Variants in LTBP2 observed in about 807,000 individuals in gnomAD.
The protein encoded by LTBP2 is latent transforming growth factor beta binding protein 2.
Under a neutral mutation model 210.6 loss-of-function variants are expected in LTBP2, and 103 were observed. The observed-to-expected ratio is 0.49, with a 90% CI of 0.42 to 0.58. The LOEUF is 0.58. LTBP2 is among the 20% of genes least tolerant of loss of function. The pLI is 0.00. For missense variants in LTBP2, 2,313 were observed against 2,494.5 expected, an observed-to-expected ratio of 0.93 and a Z score of 1.55; for synonymous variants, 1,007 against 1,015.0, an observed-to-expected ratio of 0.99 and a Z score of 0.15.
chr14:74,505,945 C>G, intron 28 of LTBP2, 103 bp downstream of exon 28: 1 of 1,507,076 alleles, frequency 6.6e-7, no homozygotes, highest in East Asian at 2.3e-5. Flanking sequence ...AGGCCCTGGC[C>G]CAGTGTCCCC....
chr14:74,511,841 G>A (rs2087076015), intron 18 of LTBP2, among the ~76,000 whole-genome samples: 1 of 152,230 alleles, frequency 6.6e-6, no homozygotes, highest in Non-Finnish European at 1.5e-5. Context: ...GGACCATGGA[G>A]GAACCCCCAA....
At chr14:74,525,429 A>C (rs1003304422) in intron 14 of LTBP2, among the ~76,000 whole-genome samples, 1 of 152,214 alleles carries the variant, frequency 6.6e-6, no homozygotes, top group African/African-American at 2.4e-5. Context: ...CATCCAGTCT[A>C]ATCCTCCATG....
intron 2 of LTBP2, among the ~76,000 whole-genome samples, chr14:74,601,125 C>T (rs1156925617): frequency 1.3e-5 from 2 of 152,310 alleles, no homozygotes; most frequent in Non-Finnish European, 1.5e-5. Context: ...GCCACCTGGC[C>T]GCCCACATCC....
rs545792465 is a variant in LTBP2 at position 74,586,884 on chromosome 14, T to A, written c.566-766A>T. 1.3e-5 allele frequency among the ~76,000 whole-genome samples: 2 copies of A among 152,172 alleles called. No individual in the cohort carries two copies. The highest frequency in any genetic ancestry group is 2.9e-5 in the Non-Finnish European group (2 of 68,024). On this transcript the variant is annotated intron_variant, in intron 2 of 35. Coordinates refer to ENST00000261978, the MANE Select transcript of LTBP2 (RefSeq NM_000428.3). The surrounding 1 kb of genome is among the most constrained non-coding windows in gnomAD (Gnocchi z 4.6). ...GCTGCCGGCCAGGTAAGTGCCCCGC[T>A]CTGTGGGGCCTCTGTTCAGGCTCAG...
chr14:74,532,404 C>A (rs1388468732), intron 10 of LTBP2, 22 bp downstream of exon 10: 1 of 1,613,458 alleles, frequency 6.2e-7, no homozygotes, highest in Non-Finnish European at 8.5e-7. Context: ...TCCACCCCCA[C>A]CCCATCCCTG....
intron 17 of LTBP2, among the ~76,000 whole-genome samples, chr14:74,519,722 G>A (rs937252266): frequency 2.0e-5 from 3 of 152,112 alleles, no homozygotes; most frequent in Admixed American, 2.0e-4. Flanking sequence ...AGCTGCTGGG[G>A]CTGGCAGAGA....
At chr14:74,544,622 C>T (rs768404413) in intron 8 of LTBP2, among the ~76,000 whole-genome samples, 4 of 152,170 alleles carry the variant, frequency 2.6e-5, no homozygotes, top group Non-Finnish European at 4.4e-5. Context: ...CACAGAGCTA[C>T]ACCTATAACT....
At chr14:74,597,309 C>CT (rs2088380380) in intron 2 of LTBP2, among the ~76,000 whole-genome samples, 1 of 152,340 alleles carries the variant, frequency 6.6e-6, no homozygotes, top group African/African-American at 2.4e-5. Flanking sequence ...CGCTTGGCTC[C>CT]TATGGCCTCC....
intron 22 of LTBP2, 22 bp from the exon 23 acceptor site, chr14:74,508,974 G>A: frequency 6.2e-7 from 1 of 1,612,182 alleles, no homozygotes; most frequent in African/African-American, 1.3e-5. Flanking sequence ...CACAGGGGAG[G>A]AAGACAGCCG....
Position 74,586,116 on chromosome 14 carries a change from C to T in LTBP2, c.568G>A (p.Val190Ile), listed in dbSNP as rs558742251. The T allele has an allele frequency of 1.4e-4, 215 of 1,592,288 alleles. No homozygotes were observed. The highest frequency in any genetic ancestry group is 5.3e-4 in the Admixed American group (30 of 56,584). ...ANSTNHCIKP[V>I]CEPPCQNRGS... Reference sequence around the variant, plus strand: ...CGGTTCTGGCACGGCGGCTCGCAAACGGCTGAGGACACAGGGAGAGAGGTG... The same window carrying T: ...CGGTTCTGGCACGGCGGCTCGCAAATGGCTGAGGACACAGGGAGAGAGGTG... The change falls in exon 3 of 36, where the codon GTT becomes ATT. Residue 190 changes from valine (V) to isoleucine (I), a missense_variant and splice_region_variant. Coordinates refer to ENST00000261978, the MANE Select transcript of LTBP2 (RefSeq NM_000428.3). This position sits in a 1 kb window ranked among gnomAD's most constrained non-coding sequence, Gnocchi z 4.6.
At position 74,541,044 on chromosome 14, in the gene LTBP2, A is replaced by G. The variant is rs1284005230; in HGVS notation, c.1790-5044T>C. On this transcript the variant is annotated intron_variant, in intron 8 of 35. Transcript: ENST00000261978. ...CAGGGTGAAAATTCAGCAGCCAGTG[A>G]GCTTTGTGACAGGTGAAGGCAGGTG... Among the ~76,000 whole-genome samples the G allele has an allele frequency of 2.0e-5, 3 of 149,654 alleles. No individual in the cohort carries two copies. The Admixed American group carries it at 2.0e-4, about 10-fold the overall frequency.
At chr14:74,502,538 G>A (rs1333656281) in intron 34 of LTBP2, 115 bp downstream of exon 34, 1 of 1,462,730 alleles carries the variant, frequency 6.8e-7, no homozygotes, top group South Asian at 1.2e-5. Flanking sequence ...CTGGCTTGGT[G>A]TGTCTTTCCC....
At chr14:74,542,497 G>C (rs2087521127) in intron 8 of LTBP2, among the ~76,000 whole-genome samples, 1 of 152,258 alleles carries the variant, frequency 6.6e-6, no homozygotes, top group African/African-American at 2.4e-5. Flanking sequence ...GCCTGCAGCA[G>C]GGAGATGTGA....
chr14:74,505,826 T>G (rs988788920), intron 28 of LTBP2, among the ~76,000 whole-genome samples: 10 of 152,218 alleles, frequency 6.6e-5, no homozygotes, highest in African/African-American at 2.2e-4. Context: ...TTCCTGAGCC[T>G]CCTCTAGGAT....
At chr14:74,584,380 T>C (rs1439868740) in intron 3 of LTBP2, among the ~76,000 whole-genome samples, 2 of 152,096 alleles carry the variant, frequency 1.3e-5, no homozygotes, top group Non-Finnish European at 2.9e-5. Flanking sequence ...CATAAATAAA[T>C]GAATCCCACA....
At chr14:74,602,063 T>C (rs1441188276) in intron 2 of LTBP2, among the ~76,000 whole-genome samples, 2 of 152,162 alleles carry the variant, frequency 1.3e-5, no homozygotes, top group African/African-American at 4.8e-5. Context: ...CAGACTCCCA[T>C]ATCTGCTATG....
At chr14:74,540,116 GA>G (rs200802217) in intron 8 of LTBP2, among the ~76,000 whole-genome samples, 1,822 of 152,218 alleles carry the variant, frequency 0.012, 46 homozygotes, top group African/African-American at 0.042. Context: ...ACACCTCTCA[GA>G]GACAGTCTAT....
At chr14:74,601,937 G>A (rs1595302750) in intron 2 of LTBP2, among the ~76,000 whole-genome samples, 1 of 152,148 alleles carries the variant, frequency 6.6e-6, no homozygotes, top group South Asian at 2.1e-4. Context: ...GCCAGGCTTG[G>A]GACTGGCAGA....
At chr14:74,563,912 T>C (rs1177071174) in intron 3 of LTBP2, among the ~76,000 whole-genome samples, 3 of 145,204 alleles carry the variant, frequency 2.1e-5, no homozygotes, top group African/African-American at 5.2e-5. Flanking sequence ...TGCATATTCA[T>C]AAAGCAACCT....
Sources: gnomAD v4.1 joint callset for allele counts (sites outside exome capture counted in the v4.1 genomes callset) on GRCh38, gnomAD v4.1.1 for gene constraint, Gnocchi (gnomAD v3.1) non-coding constraint, MANE v1.5 for transcripts, NCBI Gene and HGNC (gene_info 2026-07-23, HGNC 2026-07-21) for gene names.